ADAM22: variants seen among roughly 807,000 people sequenced by gnomAD.
ADAM22 encodes ADAM metallopeptidase domain 22, also known as disintegrin and metalloproteinase domain-containing protein 22.
In ADAM22, 65 loss-of-function variants were observed where a neutral mutation model predicts 144.6. That is an observed-to-expected ratio of 0.45 (90% CI 0.37 to 0.55). The LOEUF is 0.55. ADAM22 is among the 20% of genes least tolerant of loss of function. The pLI is 0.00. For synonymous variants in ADAM22, 391 were observed against 412.6 expected (o/e 0.95, Z 0.63); for missense variants, 974 against 1,184.9 (o/e 0.82, Z 2.61).
intron 3 of ADAM22, among the ~76,000 whole-genome samples, chr7:87,990,610 G>C (rs1245695208): frequency 6.6e-6 from 1 of 151,904 alleles, no homozygotes; most frequent in Non-Finnish European, 1.5e-5. Flanking sequence ...TTTCATTATA[G>C]TTTTATCACT....
intron 3 of ADAM22, among the ~76,000 whole-genome samples, chr7:87,979,529 T>G (rs1401490001): frequency 6.6e-6 from 1 of 152,210 alleles, no homozygotes; most frequent in Non-Finnish European, 1.5e-5. Flanking sequence ...TCTTATGACA[T>G]TGCCATTTTT....
At chr7:88,025,437 A>G (rs1040692877) in intron 3 of ADAM22, among the ~76,000 whole-genome samples, 56 of 151,900 alleles carry the variant, frequency 3.7e-4, no homozygotes, top group African/African-American at 1.3e-3. Context: ...TATTACTGGT[A>G]TTGCTCACTC....
At chr7:88,000,564 A>G (rs1375859645) in intron 3 of ADAM22, among the ~76,000 whole-genome samples, 2 of 152,096 alleles carry the variant, frequency 1.3e-5, no homozygotes, top group Non-Finnish European at 2.9e-5. Context: ...CTGTTTCTTT[A>G]TTCTGTTTTT....
intron 1 of ADAM22, 139 bp from the exon 2 acceptor site, chr7:87,934,887 C>T (rs1380968829): frequency 8.2e-7 from 1 of 1,218,526 alleles, no homozygotes; most frequent in Non-Finnish European, 1.2e-6. Flanking sequence ...TGCGTCCTTC[C>T]CAGTTGGGTT....
chr7:88,029,018 A>G (rs911535863), intron 3 of ADAM22, among the ~76,000 whole-genome samples: 3 of 151,982 alleles, frequency 2.0e-5, no homozygotes, highest in Non-Finnish European at 4.4e-5. Flanking sequence ...TAGTCAGTAT[A>G]TATATTTGTT....
chr7:87,942,940 C>T (rs979129179), intron 2 of ADAM22, among the ~76,000 whole-genome samples: 12 of 151,824 alleles, frequency 7.9e-5, no homozygotes, highest in African/African-American at 2.7e-4. Context: ...ACTAGCAGTA[C>T]CAGAGTCCCA....
chr7:87,937,540 G>A (rs1291890428), intron 2 of ADAM22, among the ~76,000 whole-genome samples: 1 of 152,158 alleles, frequency 6.6e-6, no homozygotes, highest in Non-Finnish European at 1.5e-5. Flanking sequence ...ATGTCTTTGG[G>A]TACCTCTTGC....
chr7:88,087,420 C>T (rs1818721084), intron 4 of ADAM22, among the ~76,000 whole-genome samples: 1 of 152,144 alleles, frequency 6.6e-6, no homozygotes, highest in Non-Finnish European at 1.5e-5. Context: ...GTAAAAGACA[C>T]ACTCCAGGCC....
intron 3 of ADAM22, among the ~76,000 whole-genome samples, chr7:88,008,706 C>T (rs1006783400): frequency 1.2e-4 from 18 of 151,426 alleles, no homozygotes; most frequent in Admixed American, 4.6e-4. Context: ...ACAATGAGAA[C>T]ACATGGACAC....
chr7:88,137,961 C>T (rs1464489428), intron 14 of ADAM22, among the ~76,000 whole-genome samples: 1 of 152,116 alleles, frequency 6.6e-6, no homozygotes, highest in Non-Finnish European at 1.5e-5. Flanking sequence ...TGAGACCAAC[C>T]TGAGCAACAT....
At chr7:88,110,660 T>G (rs1563236403) in intron 5 of ADAM22, among the ~76,000 whole-genome samples, 1 of 149,842 alleles carries the variant, frequency 6.7e-6, no homozygotes. Context: ...CTTTTCTTTT[T>G]TTTCTTTTCT....
intron 4 of ADAM22, among the ~76,000 whole-genome samples, chr7:88,084,046 A>G (rs1446463261): frequency 6.6e-6 from 1 of 152,186 alleles, no homozygotes; most frequent in African/African-American, 2.4e-5. Flanking sequence ...GTTAAATTAA[A>G]GAGGAAAGGA....
At chr7:88,021,912 G>A (rs28532583) in intron 3 of ADAM22, among the ~76,000 whole-genome samples, 4,461 of 150,840 alleles carry the variant, frequency 0.03, 212 homozygotes, top group African/African-American at 0.1. Flanking sequence ...TCGCTCTGTC[G>A]CTCAGGCTGG....
intron 2 of ADAM22, among the ~76,000 whole-genome samples, chr7:87,953,944 A>T (rs1366433643): frequency 2.6e-5 from 4 of 152,076 alleles, no homozygotes; most frequent in African/African-American, 4.8e-5. Flanking sequence ...AGTCTGTTTT[A>T]TCAGAGACTA....
intron 3 of ADAM22, among the ~76,000 whole-genome samples, chr7:87,985,718 C>G (rs1477670384): frequency 6.6e-6 from 1 of 152,048 alleles, no homozygotes; most frequent in Non-Finnish European, 1.5e-5. Context: ...CGATGGTGGA[C>G]ATTTGGTTTT....
At chr7:88,052,200 TA>T (rs897248013) in intron 3 of ADAM22, among the ~76,000 whole-genome samples, 7 of 148,744 alleles carry the variant, frequency 4.7e-5, no homozygotes, top group Admixed American at 6.7e-5. Flanking sequence ...CTTTAGCACA[TA>T]AAAAAAAAAT....
intron 3 of ADAM22, among the ~76,000 whole-genome samples, chr7:88,024,481 A>G (rs1402012433): frequency 6.6e-6 from 1 of 152,022 alleles, no homozygotes; most frequent in East Asian, 1.9e-4. Context: ...TGCCATTTGT[A>G]TGTCTTCTTT....
chr7:88,066,712 T>C (rs1811344068), intron 3 of ADAM22, among the ~76,000 whole-genome samples: 1 of 152,006 alleles, frequency 6.6e-6, no homozygotes, highest in African/African-American at 2.4e-5. Flanking sequence ...TTAGGAACTG[T>C]AGCGATGAGA....
chr7:87,945,915 G>A (rs1391946590), intron 2 of ADAM22, among the ~76,000 whole-genome samples: 1 of 152,144 alleles, frequency 6.6e-6, no homozygotes, highest in African/African-American at 2.4e-5. Flanking sequence ...ATAGACTGCT[G>A]GATTGAATGG....
Sources: allele counts gnomAD v4.1 joint callset (sites outside exome capture counted in the v4.1 genomes callset), GRCh38; gene constraint gnomAD v4.1.1; transcripts MANE v1.5; gene names NCBI Gene and HGNC (gene_info 2026-07-23, HGNC 2026-07-21).